Variants in PPP6R2 observed in about 807,000 individuals in gnomAD.
The protein encoded by PPP6R2 is serine/threonine-protein phosphatase 6 regulatory subunit 2.
PPP6R2 carries 62 observed loss-of-function variants against 100.2 expected under a neutral mutation model. The observed-to-expected ratio is 0.62, with a 90% CI of 0.50 to 0.76. The LOEUF is 0.76. Among genes scored for constraint, PPP6R2 ranks in the 30% least tolerant of loss-of-function variants. PPP6R2 has a pLI of 0.00. For synonymous variants in PPP6R2, 525 were observed against 514.7 expected (o/e 1.02, Z -0.27); for missense variants, 1,142 against 1,276.3 (o/e 0.89, Z 1.60).
At chr22:50,336,743 G>A in the PPP6R2 span, among the ~76,000 whole-genome samples, 1 of 151,860 alleles carries the variant, frequency 6.6e-6, no homozygotes, top group East Asian at 1.9e-4. Context: ...GTCTTGCTCT[G>A]TCACTCAGGT....
At chr22:50,368,284 G>A (rs1294248003) in intron 1 of PPP6R2, among the ~76,000 whole-genome samples, 3 of 152,084 alleles carry the variant, frequency 2.0e-5, no homozygotes, top group Admixed American at 1.3e-4. Context: ...TCTGTCGCTC[G>A]CCCAGGAAAG....
intron 2 of PPP6R2, chr22:50,393,299 C>T (rs114809320): frequency 0.016 from 12,052 of 730,698 alleles, 144 homozygotes; most frequent in East Asian, 0.077. Context: ...GTGGATGGGC[C>T]GGGTGGCTGG....
At chr22:50,432,523 T>G (rs1422330807) in intron 12 of PPP6R2, among the ~76,000 whole-genome samples, 194 bp downstream of exon 12, 1 of 152,062 alleles carries the variant, frequency 6.6e-6, no homozygotes, top group East Asian at 1.9e-4. Context: ...CAAATGCTAC[T>G]TGGGGAGGGG....
chr22:50,397,717 T>TCC (rs374037518), intron 3 of PPP6R2, among the ~76,000 whole-genome samples: 3 of 10,432 alleles, frequency 2.9e-4, no homozygotes, highest in Admixed American at 1.0e-3. Context: ...AGCCTTGTCA[T>TCC]CTCTGAGCTT....
At position 50,343,367 on chromosome 22, in the gene PPP6R2, G is replaced by A. The variant is rs1458139855; in HGVS notation, c.-331G>A. The A allele has an allele frequency of 6.6e-6, 1 of 150,814 alleles. No homozygotes were observed. The highest frequency in any genetic ancestry group is 2.4e-5 in the African/African-American group (1 of 41,200). 9.3% of individuals were successfully genotyped at this position (150,814 alleles called of 1,614,324 possible). A position where few individuals can be genotyped will look rare whatever the true frequency, so the allele number is the denominator to read the frequency against. ...CGATCGGAGTGCCGCCCGCGGCCCCGAGTCGGTCTCGAGCCGCCGGCCGGC... is the reference window on the plus strand; with the variant it reads ...CGATCGGAGTGCCGCCCGCGGCCCCAAGTCGGTCTCGAGCCGCCGGCCGGC... On this transcript the variant is annotated 5_prime_UTR_variant, in exon 1 of 24. Transcript: ENST00000612753.
Position 50,440,832 on chromosome 22 carries a change from T to C in PPP6R2, c.2385T>C (p.Ala795=). 1 of 1,613,446 alleles carries C rather than the reference T, an allele frequency of 6.2e-7. No homozygotes were observed. Among genetic ancestry groups the C allele is most frequent in the Non-Finnish European group, 8.5e-7 (1 of 1,179,990 alleles). Residue 795 remains alanine (A), a synonymous_variant, in exon 22 of 24, where the codon GCT becomes GCC. Transcript: ENST00000612753. ...SQGPEKAFSP[A]SPCAWNVCVT... ...CCTCCTACTTTGCAGTCAGCCCGGC[T>C]TCTCCATGTGCCTGGAACGTGTGTG...
chr22:50,433,010 C>T (rs576858200), intron 12 of PPP6R2, among the ~76,000 whole-genome samples: 1 of 152,374 alleles, frequency 6.6e-6, no homozygotes, highest in East Asian at 1.9e-4. Flanking sequence ...TAGGCCACGC[C>T]ACGGCCTTTC....
chr22:50,343,662 T>G (rs2042699067), intron 1 of PPP6R2, 112 bp downstream of exon 1: 1 of 93,718 alleles, frequency 1.1e-5, no homozygotes, highest in Non-Finnish European at 1.9e-5. Context: ...CCCCAGTCAG[T>G]CAGTTCCCCC....
intron 2 of PPP6R2, among the ~76,000 whole-genome samples, chr22:50,392,366 C>T (rs1402605466): frequency 1.3e-5 from 2 of 150,198 alleles, no homozygotes; most frequent in Non-Finnish European, 1.5e-5. Context: ...AAACCCACCC[C>T]AAAATCAAAA....
chr22:50,400,722 C>T (rs1295479015), intron 3 of PPP6R2, among the ~76,000 whole-genome samples: 1 of 152,126 alleles, frequency 6.6e-6, no homozygotes, highest in Non-Finnish European at 1.5e-5. Context: ...AAAATATTGA[C>T]TCTAAGGGAA....
At chr22:50,360,807 A>T (rs944390661) in intron 1 of PPP6R2, among the ~76,000 whole-genome samples, 4 of 152,198 alleles carry the variant, frequency 2.6e-5, no homozygotes, top group Non-Finnish European at 4.4e-5. Flanking sequence ...GTTGCTGCTC[A>T]CACCAGTCTC....
intron 1 of PPP6R2, among the ~76,000 whole-genome samples, chr22:50,343,841 CCCCCCAGTCAGTTTCCCCCCAGTCAGTG>C (rs2042799510): frequency 4.2e-5 from 1 of 23,896 alleles, no homozygotes; most frequent in Non-Finnish European, 7.7e-5. Flanking sequence ...CAGTCAGTTT[CCCCCCAGTCAGTTTCCCCCCAGTCAGTG>C]CCCCCCAGTC....
At chr22:50,441,720 G>C (rs541790591) in intron 22 of PPP6R2, among the ~76,000 whole-genome samples, 27 of 152,250 alleles carry the variant, frequency 1.8e-4, no homozygotes, top group Admixed American at 1.7e-3. Context: ...CCTGTGAGGA[G>C]GTTGGAGGCT....
At chr22:50,375,466 C>A (rs959353419) in intron 2 of PPP6R2, among the ~76,000 whole-genome samples, 1 of 152,096 alleles carries the variant, frequency 6.6e-6, no homozygotes, top group African/African-American at 2.4e-5. Context: ...AAGCTCGATT[C>A]CTCTCAAGGT....
chr22:50,378,051 A>T lies in PPP6R2; in HGVS notation c.-17+5901A>T, dbSNP rs79063910. Among the ~76,000 whole-genome samples the T allele has an allele frequency of 6.1e-3, 931 of 152,330 alleles. 5 individuals are homozygous for T. Among genetic ancestry groups the T allele is most frequent in the South Asian group, 0.027 (132 of 4,826 alleles). Reference sequence around the variant, plus strand: ...AGAAGACAAATGAATGGTAAGCAGGATAAATAAAAATAAAATTTATAGCTA... The same window carrying T: ...AGAAGACAAATGAATGGTAAGCAGGTTAAATAAAAATAAAATTTATAGCTA... On this transcript the variant is annotated intron_variant, in intron 2 of 23. Transcript: ENST00000612753.
At position 50,444,035 on chromosome 22, in the gene PPP6R2, G is replaced by T. The variant is rs754130549; in HGVS notation, c.2749G>T (p.Val917Leu). The T allele has an allele frequency of 6.2e-7, 1 of 1,613,384 alleles. No individual in the cohort carries two copies. Among genetic ancestry groups the T allele is most frequent in the South Asian group, 1.1e-5 (1 of 91,080 alleles). The change falls in exon 23 of 24, where the codon GTG (valine) becomes TTG (leucine). Residue 917 changes from valine (V) to leucine (L), a missense_variant. Coordinates refer to ENST00000612753, the MANE Select transcript of PPP6R2 (RefSeq NM_001242898.2). ...PTPAVSSALA[V>L]AVPLGPIMAV... ...CCCAGCAGTCTCTTCTGCACTGGCCGTGGCGGTCCCCCTAGGGCCCATCAT... is the reference window on the plus strand; with the variant it reads ...CCCAGCAGTCTCTTCTGCACTGGCCTTGGCGGTCCCCCTAGGGCCCATCAT...
At chr22:50,404,115 A>G (rs1201177951) in intron 3 of PPP6R2, among the ~76,000 whole-genome samples, 2 of 149,960 alleles carry the variant, frequency 1.3e-5, no homozygotes, top group Admixed American at 6.6e-5. Context: ...TTTTCTGGAA[A>G]CAAGAGTCTC....
chr22:50,393,561 G>A (rs1223911916), intron 2 of PPP6R2: 1 of 982,422 alleles, frequency 1.0e-6, no homozygotes, highest in Admixed American at 6.2e-5. Context: ...GAGGGCAAAG[G>A]AGGGGGTTAG....
At chr22:50,409,619 G>A (rs1481601328) in intron 4 of PPP6R2, among the ~76,000 whole-genome samples, 1 of 152,150 alleles carries the variant, frequency 6.6e-6, no homozygotes, top group Non-Finnish European at 1.5e-5. Flanking sequence ...GTAGAGACAG[G>A]GTTTCACCAT....
Sources: allele counts gnomAD v4.1 joint callset (sites outside exome capture counted in the v4.1 genomes callset), GRCh38; gene constraint gnomAD v4.1.1; transcripts MANE v1.5; gene names NCBI Gene and HGNC (gene_info 2026-07-23, HGNC 2026-07-21).